SGK1: variants seen among roughly 807,000 people sequenced by gnomAD.
SGK1 encodes serine/threonine-protein kinase Sgk1.
A neutral mutation model predicts 64.2 loss-of-function variants in SGK1; 26 were observed. That is an observed-to-expected ratio of 0.40 (90% confidence interval 0.30 to 0.56). The LOEUF (loss-of-function observed/expected upper bound fraction) is 0.56, where lower values mean the gene tolerates loss of function less well. Among genes scored for constraint, SGK1 ranks in the 20% least tolerant of loss-of-function variants. SGK1 has a pLI of 0.38. For synonymous variants in SGK1, 265 were observed against 239.7 expected, an observed-to-expected ratio of 1.11 and a Z score of -0.98; for missense variants, 519 against 645.6, an observed-to-expected ratio of 0.80 and a Z score of 2.12.
chr6:134,292,098 G>GT (rs1777275234), intron 1 of SGK1, among the ~76,000 whole-genome samples: 1 of 150,520 alleles, frequency 6.6e-6, no homozygotes, highest in African/African-American at 2.4e-5. Context: ...TTGAAATTTT[G>GT]TTTTTTGACA....
At position 134,298,369 on chromosome 6, in the gene SGK1, C is replaced by T. The variant is rs139933733; in HGVS notation, c.69+19023G>A. 768 of 1,515,788 alleles carry T rather than the reference C, an allele frequency of 5.1e-4. 5 individuals carry two copies. In the African/African-American group the frequency reaches 8.8e-3, roughly 17 times the overall value. The allele number at this position is 1,515,788 out of a possible 1,614,324, so 93.9% of individuals were successfully genotyped here. A position where few individuals can be genotyped will look rare whatever the true frequency, so the allele number is the denominator to read the frequency against. ...CATCTTGTTCTGCTGCTCCAGGAACCGTACCTTGCCTATGAAGGAGGCAAA... is the reference window on the plus strand; with the variant it reads ...CATCTTGTTCTGCTGCTCCAGGAACTGTACCTTGCCTATGAAGGAGGCAAA... On this transcript the variant is annotated intron_variant, in intron 1 of 13. Transcript: ENST00000367858.
chr6:134,174,442 T>C, intron 4 of SGK1, 69 bp downstream of exon 4: 2 of 1,131,686 alleles, frequency 1.8e-6, no homozygotes, highest in East Asian at 2.4e-5. Context: ...ATAAACGCCG[T>C]GATGAGAATG....
intron 1 of SGK1, among the ~76,000 whole-genome samples, chr6:134,278,578 G>T (rs1321056014): frequency 1.3e-5 from 2 of 151,994 alleles, no homozygotes; most frequent in African/African-American, 4.8e-5. Flanking sequence ...TGCTTGTGCT[G>T]TATTGGTAAT....
chr6:134,293,497 A>T (rs1403183007), intron 1 of SGK1, among the ~76,000 whole-genome samples: 3 of 151,930 alleles, frequency 2.0e-5, no homozygotes, highest in African/African-American at 7.3e-5. Flanking sequence ...TTGTGTAGAT[A>T]AAACTTTGAT....
intron 2 of SGK1, among the ~76,000 whole-genome samples, chr6:134,252,908 T>A (rs1383126314): frequency 6.6e-6 from 1 of 151,498 alleles, no homozygotes; most frequent in African/African-American, 2.4e-5. Flanking sequence ...CTATATAAAA[T>A]TTTTTTTGAT....
chr6:134,285,413 G>A (rs1777167685), intron 1 of SGK1, among the ~76,000 whole-genome samples: 1 of 151,278 alleles, frequency 6.6e-6, no homozygotes, highest in Admixed American at 6.6e-5. Context: ...GGGAGGCAGA[G>A]GTTGCAGCGA....
At chr6:134,301,473 T>C (rs1777451863) in intron 1 of SGK1, among the ~76,000 whole-genome samples, 1 of 152,150 alleles carries the variant, frequency 6.6e-6, no homozygotes, top group Non-Finnish European at 1.5e-5. Context: ...CAACTGAGTA[T>C]TCCAAGGAGG....
Position 134,172,728 on chromosome 6 carries a change from G to GCCCGTGGTTCCAGGAAGCAGC in SGK1, c.860_880dup (p.Arg293_Ala294insGlyCysPheLeuGluProArg), listed in dbSNP as rs1775071634. The GCCCGTGGTTCCAGGAAGCAGC allele has an allele frequency of 6.2e-7, 1 of 1,613,954 alleles. No homozygotes were observed. The highest frequency in any genetic ancestry group is 1.7e-5 in the Admixed American group (1 of 60,000). On this transcript the variant is annotated inframe_insertion, in exon 9 of 14. Transcript: ENST00000367858. ...GGCTATTTCAGCAGCATAGAAACGA[G>GCCCGTGGTTCCAGGAAGCAGC]CCCGTGGTTCCAGGAAGCAGCGTTC...
At chr6:134,221,465 T>A (rs1438441146) in intron 2 of SGK1, among the ~76,000 whole-genome samples, 1 of 152,152 alleles carries the variant, frequency 6.6e-6, no homozygotes, top group Non-Finnish European at 1.5e-5. Flanking sequence ...CTCCTTCAGG[T>A]ATCTGCTCAG....
chr6:134,173,627 CAT>C, intron 5 of SGK1, 61 bp from the exon 6 acceptor site: 2 of 1,147,838 alleles, frequency 1.7e-6, no homozygotes, highest in Non-Finnish European at 2.5e-6. Context: ...ACATCTATAA[CAT>C]AAACGATGTA....
chr6:134,287,787 A>C (rs1777208695), intron 1 of SGK1, among the ~76,000 whole-genome samples: 5 of 152,010 alleles, frequency 3.3e-5, no homozygotes, highest in Admixed American at 3.3e-4. Context: ...TTTTTATGGA[A>C]AGTAATTTTG....
At chr6:134,284,494 T>C (rs1236464393) in intron 1 of SGK1, among the ~76,000 whole-genome samples, 2 of 150,562 alleles carry the variant, frequency 1.3e-5, no homozygotes, top group African/African-American at 2.4e-5. Context: ...TTTCTTTCTT[T>C]TTTTTTTTTG....
intron 1 of SGK1, among the ~76,000 whole-genome samples, chr6:134,263,830 G>A (rs752375842): frequency 7.9e-5 from 12 of 152,128 alleles, no homozygotes; most frequent in Non-Finnish European, 1.8e-4. Context: ...GGGAGGCTAA[G>A]GCAGGCAGGT....
At chr6:134,189,897 T>TGGA (rs1055207374) in intron 3 of SGK1, among the ~76,000 whole-genome samples, 9 of 152,242 alleles carry the variant, frequency 5.9e-5, no homozygotes, top group Non-Finnish European at 4.4e-5. Context: ...TCACCCAGGC[T>TGGA]GGAGTGCAAT....
At chr6:134,203,239 T>C (rs1215343539) in intron 3 of SGK1, among the ~76,000 whole-genome samples, 2 of 151,934 alleles carry the variant, frequency 1.3e-5, no homozygotes, top group African/African-American at 4.8e-5. Flanking sequence ...TGAGACTCTG[T>C]CTCAAAAAAA....
intron 2 of SGK1, among the ~76,000 whole-genome samples, chr6:134,208,459 G>T (rs145902239): frequency 6.6e-6 from 1 of 151,908 alleles, no homozygotes; most frequent in East Asian, 1.9e-4. Context: ...GGTAATCTCC[G>T]AGATTTTGGT....
At chr6:134,206,597 TG>T (rs762866812) in intron 3 of SGK1, among the ~76,000 whole-genome samples, 106 of 151,518 alleles carry the variant, frequency 7.0e-4, no homozygotes, top group Non-Finnish European at 1.1e-3. Flanking sequence ...CTAGGTATGG[TG>T]GCTCACACCT....
intron 1 of SGK1, chr6:134,297,952 C>T (rs1429606031): frequency 2.0e-5 from 16 of 805,102 alleles, no homozygotes; most frequent in South Asian, 4.0e-5. Context: ...GTGATGATGC[C>T]GTCCATGTCC....
chr6:134,245,928 A>G (rs893601333), intron 2 of SGK1, among the ~76,000 whole-genome samples: 1 of 152,220 alleles, frequency 6.6e-6, no homozygotes, highest in Non-Finnish European at 1.5e-5. Context: ...TTACACTGGC[A>G]CAAGCTCATC....
Sources: allele counts gnomAD v4.1 joint callset (sites outside exome capture counted in the v4.1 genomes callset), GRCh38; gene constraint gnomAD v4.1.1; transcripts MANE v1.5; gene names NCBI Gene and HGNC (gene_info 2026-07-23, HGNC 2026-07-21).